ZNF560: variants seen among roughly 807,000 people sequenced by gnomAD.
ZNF560 encodes zinc finger protein 560.
In ZNF560, 54 loss-of-function variants were observed where a neutral mutation model predicts 81.8. The observed-to-expected ratio is 0.66, with a 90% CI of 0.53 to 0.83. The LOEUF (loss-of-function observed/expected upper bound fraction) is 0.83, where lower values mean the gene tolerates loss of function less well. ZNF560 is among the 40% of genes least tolerant of loss of function. ZNF560 has a pLI of 0.00. For missense variants in ZNF560, 940 were observed against 932.4 expected (o/e 1.01, Z -0.11); for synonymous variants, 321 against 317.9 (o/e 1.01, Z -0.10).
chr19:9,490,436 C>G (rs760299012), intron 2 of ZNF560, among the ~76,000 whole-genome samples: 6 of 152,142 alleles, frequency 3.9e-5, no homozygotes, highest in Non-Finnish European at 7.3e-5. Context: ...AATGCTTTGG[C>G]CTGCAGAGAT....
chr19:9,456,057 C>T, the ZNF560 span, among the ~76,000 whole-genome samples: 34 of 152,326 alleles, frequency 2.2e-4, no homozygotes, highest in Middle Eastern at 0.014. Flanking sequence ...GACGGAAACC[C>T]GATTTCGAGA....
chr19:9,462,064 CA>C (rs1488472641), downstream of ZNF560, among the ~76,000 whole-genome samples: 1 of 152,188 alleles, frequency 6.6e-6, no homozygotes, highest in Non-Finnish European at 1.5e-5. Flanking sequence ...AGAAGTAGCT[CA>C]CTGTGATAAA....
rs1027466149 is a variant in ZNF560 at position 9,468,481 on chromosome 19, A to G, written c.613-147T>C. 3 of 596,546 alleles carry G rather than the reference A, an allele frequency of 5.0e-6. No individual in the cohort carries two copies. In the African/African-American group the frequency reaches 5.7e-5, roughly 11 times the overall value. 37.0% of individuals were successfully genotyped at this position (596,546 alleles called of 1,614,324 possible). A position where few individuals can be genotyped will look rare whatever the true frequency, so the allele number is the denominator to read the frequency against. ...ACCTTTTGGATTTCCTTCAACTTGA[A>G]TAATGGAACCCTACTGTAAGAATCC... On this transcript the variant is annotated intron_variant, in intron 9 of 9. Transcript: ENST00000301480.
chr19:9,473,056 C>A, intron 5 of ZNF560, 123 bp downstream of exon 5: 1 of 813,514 alleles, frequency 1.2e-6, no homozygotes, highest in South Asian at 1.4e-5. Context: ...CAAAATAAAC[C>A]TATTTTCTTA....
the ZNF560 span, among the ~76,000 whole-genome samples, chr19:9,448,894 G>T: frequency 6.6e-6 from 1 of 152,240 alleles, no homozygotes; most frequent in African/African-American, 2.4e-5. Context: ...TCTTTTGTTG[G>T]ATAAAATAGA....
chr19:9,470,497 C>T lies in ZNF560; in HGVS notation c.343G>A (p.Val115Met). The change falls in exon 7 of 10, where the codon GTG becomes ATG. Residue 115 changes from valine (V) to methionine (M), a missense_variant. Val to Met is a conservative substitution (Grantham distance 21, BLOSUM62 1). Coordinates refer to ENST00000301480, the MANE Select transcript of ZNF560 (RefSeq NM_152476.3). The stretch of plus-strand genomic sequence containing the variant: ...TCTTCCTGGGTGAACTCCACAGCCA[C>T]ACTGTCAAAGGTTACCAGGTCCTAA... ...IQMDLVTFDS[V>M]AVEFTQEEWT... 1.2e-6 allele frequency: 2 copies of T among 1,614,194 alleles called. No individual in the cohort carries two copies. The highest frequency in any genetic ancestry group is 1.7e-6 in the Non-Finnish European group (2 of 1,180,042).
chr19:9,485,379 T>A (rs992341017), intron 2 of ZNF560, among the ~76,000 whole-genome samples: 1 of 151,894 alleles, frequency 6.6e-6, no homozygotes, highest in African/African-American at 2.4e-5. Flanking sequence ...CATATGCAAA[T>A]CAATGTGATT....
intron 2 of ZNF560, among the ~76,000 whole-genome samples, chr19:9,490,399 G>A (rs2073452958): frequency 6.6e-6 from 1 of 152,134 alleles, no homozygotes; most frequent in African/African-American, 2.4e-5. Flanking sequence ...CGAATGTCAA[G>A]GGCACACTGA....
chr19:9,474,293 G>GT lies in ZNF560; in HGVS notation c.62dup (p.Asp21GlufsTer27). 12 of 1,614,026 alleles carry GT rather than the reference G, an allele frequency of 7.4e-6. No homozygotes were observed. Among genetic ancestry groups the GT allele is most frequent in the Non-Finnish European group, 1.0e-5 (12 of 1,179,968 alleles). On this transcript the variant is annotated frameshift_variant, in exon 4 of 10. Transcript: ENST00000301480. LOFTEE classifies it high-confidence loss of function. ...GTAAAATCCACTCCTCCTGGGTGAA[G>GT]TCCACAGCTGTATCCTCAAAGGTCA...
At chr19:9,461,253 A>C in the ZNF560 span, among the ~76,000 whole-genome samples, 6 of 152,262 alleles carry the variant, frequency 3.9e-5, no homozygotes, top group Non-Finnish European at 7.4e-5. Flanking sequence ...CTAAAGTTTG[A>C]CACCCCTAAT....
intron 7 of ZNF560, among the ~76,000 whole-genome samples, chr19:9,470,141 G>T (rs550591950): frequency 1.3e-5 from 2 of 151,884 alleles, no homozygotes; most frequent in Non-Finnish European, 2.9e-5. Context: ...TTAGTACATC[G>T]AGTCTGAGAA....
downstream of ZNF560, among the ~76,000 whole-genome samples, chr19:9,462,108 A>G (rs1056025669): frequency 6.6e-6 from 1 of 152,212 alleles, no homozygotes; most frequent in Admixed American, 6.5e-5. Context: ...TGGTAAAACA[A>G]AAAGGGGGAC....
At chr19:9,480,662 G>A (rs552542003) in intron 2 of ZNF560, among the ~76,000 whole-genome samples, 43 of 151,620 alleles carry the variant, frequency 2.8e-4, no homozygotes, top group Admixed American at 2.0e-3. Flanking sequence ...AAAAAAAGCC[G>A]GGCACAGTGG....
rs772177861 is a variant in ZNF560, at chr19:9,471,324, T to A, written c.293A>T (p.Lys98Ile). ...SVSALQQEFW[K>I]IQTSNGIQMD... ...TTGTATCCCATTAGAAGTTTGTATT[T>A]TCCAAAACTCCTGCTGCAGTGCTGA... is the stretch of plus-strand genomic sequence containing the variant. Residue 98 changes from lysine (K) to isoleucine (I), a missense_variant, in exon 6 of 10, where the codon AAA becomes ATA. Transcript: ENST00000301480. 1.4e-5 allele frequency: 23 copies of A among 1,602,054 alleles called. No homozygotes were observed. Among genetic ancestry groups the A allele is most frequent in the Non-Finnish European group, 2.0e-5 (23 of 1,175,496 alleles).
chr19:9,463,024 AT>A (rs780200268), downstream of ZNF560, among the ~76,000 whole-genome samples: 2 of 152,236 alleles, frequency 1.3e-5, no homozygotes, highest in Non-Finnish European at 2.9e-5. Context: ...TGCCATTAGG[AT>A]TAGAAATAAA....
the ZNF560 span, among the ~76,000 whole-genome samples, chr19:9,456,093 C>T: frequency 6.6e-6 from 1 of 152,228 alleles, no homozygotes; most frequent in Non-Finnish European, 1.5e-5. Context: ...CAATCCTGAG[C>T]CACATTCCAA....
At chr19:9,483,488 G>T (rs546413879) in intron 2 of ZNF560, among the ~76,000 whole-genome samples, 2 of 150,862 alleles carry the variant, frequency 1.3e-5, no homozygotes, top group South Asian at 4.2e-4. Flanking sequence ...TCCAGGAGGT[G>T]GGGGGTCAGC....
intron 2 of ZNF560, among the ~76,000 whole-genome samples, chr19:9,488,071 T>TA (rs552060851): frequency 4.0e-5 from 6 of 150,308 alleles, no homozygotes; most frequent in Non-Finnish European, 8.9e-5. Context: ...AGATCTCACA[T>TA]AAATAGATTA....
chr19:9,449,456 G>A, the ZNF560 span, among the ~76,000 whole-genome samples: 1 of 151,972 alleles, frequency 6.6e-6, no homozygotes, highest in Admixed American at 6.6e-5. Context: ...AATTAATGAA[G>A]GCAAAAAAAC....
Sources: allele counts gnomAD v4.1 joint callset (sites outside exome capture counted in the v4.1 genomes callset), GRCh38; gene constraint gnomAD v4.1.1; transcripts MANE v1.5; gene names NCBI Gene and HGNC (gene_info 2026-07-23, HGNC 2026-07-21).